FREM2: variants seen among roughly 807,000 people sequenced by gnomAD.
FREM2 encodes the protein FRAS1-related extracellular matrix protein 2.
A neutral mutation model predicts 219.9 loss-of-function variants in FREM2; 119 were observed. The observed-to-expected ratio is 0.54, with a 90% CI of 0.47 to 0.63. The LOEUF is 0.63. Among genes scored for constraint, FREM2 ranks in the 30% least tolerant of loss-of-function variants. FREM2 has a pLI of 0.00. For missense variants in FREM2, 4,030 were observed against 3,993.6 expected (o/e 1.01, Z -0.25); for synonymous variants, 1,562 against 1,522.8 (o/e 1.03, Z -0.60).
intron 6 of FREM2, among the ~76,000 whole-genome samples, chr13:38,794,690 A>G (rs1213925398): frequency 6.6e-6 from 1 of 151,842 alleles, no homozygotes; most frequent in African/African-American, 2.4e-5. Context: ...TTGATGTTTT[A>G]TCTGTCATGC....
chr13:38,870,889 G>A lies in FREM2; in HGVS notation c.7984-1853G>A, dbSNP rs186731567. Among the ~76,000 whole-genome samples the A allele has an allele frequency of 5.6e-4, 85 of 152,240 alleles. 1 individual carries two copies. Among genetic ancestry groups the A allele is most frequent in the Non-Finnish European group, 1.1e-3 (78 of 68,014 alleles). On this transcript the variant is annotated intron_variant, in intron 16 of 23. Coordinates refer to ENST00000280481, the MANE Select transcript of FREM2 (RefSeq NM_207361.6). ...ATAACATTGGAAAAAATTATTCTTA[G>A]CACCTATAAAGCTTAATTGGAAATC...
intron 6 of FREM2, among the ~76,000 whole-genome samples, chr13:38,806,198 G>A (rs1031673828): frequency 4.0e-5 from 6 of 151,804 alleles, no homozygotes; most frequent in African/African-American, 1.2e-4. Context: ...AGGACTTGTG[G>A]CCCCATGAAT....
chr13:38,687,876 C>A lies in FREM2; in HGVS notation c.532C>A (p.Gln178Lys), dbSNP rs148774506. ...LVLEVEVVFT[Q>K]LEVVTRNLPL... is the part of the protein sequence containing the mutation. ...ACTGGAGGTGGAGGTGGTCTTCACCCAGCTGGAGGTTGTGACTCGGAACTT... is the reference window on the plus strand; with the variant it reads ...ACTGGAGGTGGAGGTGGTCTTCACCAAGCTGGAGGTTGTGACTCGGAACTT... Residue 178 changes from glutamine (Q) to lysine (K), a missense_variant, in exon 1 of 24, where the codon CAG (glutamine) becomes AAG (lysine). This residue lies in a region of FREM2 where 3,102 missense variants were observed against 2,950.7 expected (regional missense o/e 1.05). Coordinates refer to ENST00000280481, the MANE Select transcript of FREM2 (RefSeq NM_207361.6). The A allele has an allele frequency of 1.6e-4, 250 of 1,575,136 alleles. No individual in the cohort carries two copies. Among genetic ancestry groups the A allele is most frequent in the South Asian group, 1.2e-3 (103 of 86,600 alleles).
At chr13:38,806,811 A>G (rs1173757172) in intron 6 of FREM2, among the ~76,000 whole-genome samples, 1 of 151,886 alleles carries the variant, frequency 6.6e-6, no homozygotes, top group Non-Finnish European at 1.5e-5. Context: ...AACTTCATTC[A>G]AAATTGGAGT....
At chr13:38,851,234 T>C in intron 10 of FREM2, 126 bp downstream of exon 10, 1 of 853,546 alleles carries the variant, frequency 1.2e-6, no homozygotes, top group Non-Finnish European at 1.9e-6. Context: ...TTTTAAGCAA[T>C]TGAGAAACAG....
intron 2 of FREM2, among the ~76,000 whole-genome samples, chr13:38,729,055 G>T (rs1328275137): frequency 1.3e-5 from 2 of 152,130 alleles, no homozygotes; most frequent in Non-Finnish European, 2.9e-5. Context: ...GGCTGGTCTT[G>T]AACTCCCGAC....
chr13:38,759,433 G>C lies in FREM2; in HGVS notation c.5264-4871G>C, dbSNP rs557056581. Reference sequence around the variant, plus strand: ...TTTTAGGGAGGGCTAATTGGAGTTTGGTATTCTTTGTTATTCTAAAAAAAA... The same window carrying C: ...TTTTAGGGAGGGCTAATTGGAGTTTCGTATTCTTTGTTATTCTAAAAAAAA... On this transcript the variant is annotated intron_variant, in intron 2 of 23. Transcript: ENST00000280481. Among the ~76,000 whole-genome samples, 266 of 146,472 alleles carry C rather than the reference G, an allele frequency of 1.8e-3. 2 individuals carry two copies. The highest frequency in any genetic ancestry group is 6.1e-3 in the African/African-American group (244 of 40,220).
rs116599611 is a variant in FREM2 at position 38,764,394 on chromosome 13, A to C, written c.5354A>C (p.Lys1785Thr). ...TATTACCTGGTCAATGAGGACTCCA[A>C]ATTTCTAGATGTTGTTCTTAAACGT... ...KEYYLVNEDS[K>T]FLDVVLKRRG... The change falls in exon 3 of 24, where the codon AAA (lysine) becomes ACA (threonine). Residue 1785 changes from lysine to threonine, a missense_variant. By Grantham distance (78) the Lys-to-Thr change is moderately conservative. Coordinates refer to ENST00000280481, the MANE Select transcript of FREM2 (RefSeq NM_207361.6). 607 of 1,602,372 alleles carry C rather than the reference A, an allele frequency of 3.8e-4. 2 individuals carry two copies. In the African/African-American group the frequency reaches 7.2e-3, roughly 19 times the overall value.
At chr13:38,825,786 C>T (rs1876258341) in intron 6 of FREM2, among the ~76,000 whole-genome samples, 1 of 152,130 alleles carries the variant, frequency 6.6e-6, no homozygotes, top group Non-Finnish European at 1.5e-5. Flanking sequence ...CTCACAGGCT[C>T]TGCCATGAGC....
rs750545395 is a variant in FREM2, at chr13:38,687,826, G to A, written c.482G>A (p.Gly161Glu). 3.2e-6 allele frequency: 5 copies of A among 1,545,654 alleles called. No homozygotes were observed. The highest frequency in any genetic ancestry group is 4.4e-6 in the Non-Finnish European group (5 of 1,141,224). ...VRLQLRYDAP[G>E]GAVVLPLVLE... ...CTGCAGCTGCGCTATGACGCGCCCG[G>A]AGGGGCAGTAGTGCTACCACTGGTA... The change falls in exon 1 of 24, where the codon GGA (glycine) becomes GAA (glutamate). Residue 161 changes from glycine (G) to glutamate (E), a missense_variant. Coordinates refer to ENST00000280481, the MANE Select transcript of FREM2 (RefSeq NM_207361.6).
chr13:38,841,783 A>C (rs1429097288), intron 6 of FREM2, among the ~76,000 whole-genome samples: 1 of 152,162 alleles, frequency 6.6e-6, no homozygotes, highest in Non-Finnish European at 1.5e-5. Context: ...CATTTGCTGC[A>C]GCAAATAAAT....
intron 6 of FREM2, among the ~76,000 whole-genome samples, chr13:38,830,771 C>T (rs192856184): frequency 6.6e-6 from 1 of 152,286 alleles, no homozygotes; most frequent in East Asian, 1.9e-4. Flanking sequence ...GTCCAGCTCA[C>T]ATTTTTTCTT....
rs191798500 is a variant in FREM2 at position 38,809,641 on chromosome 13, C to T, written c.6019+24833C>T. ...AGAAAATGAGTTTACTGTAGGTGTA[C>T]GGATTGGTTTTTTGGGTTATCTTTT... On this transcript the variant is annotated intron_variant, in intron 6 of 23. Coordinates refer to ENST00000280481, the MANE Select transcript of FREM2 (RefSeq NM_207361.6). 3.4e-3 allele frequency among the ~76,000 whole-genome samples: 520 copies of T among 151,960 alleles called. 1 individual carries two copies. Among genetic ancestry groups the T allele is most frequent in the African/African-American group, 0.012 (477 of 41,464 alleles).
rs1365677581 is a variant in FREM2, at chr13:38,883,446, T to C, written c.*2659T>C. The C allele has an allele frequency of 6.6e-6, 1 of 152,182 alleles. No homozygotes were observed. The highest frequency in any genetic ancestry group is 1.5e-5 in the Non-Finnish European group (1 of 68,022). 9.4% of individuals were successfully genotyped at this position (152,182 alleles called of 1,614,324 possible). On this transcript the variant is annotated 3_prime_UTR_variant, in exon 24 of 24. Coordinates refer to ENST00000280481, the MANE Select transcript of FREM2 (RefSeq NM_207361.6). The stretch of plus-strand genomic sequence containing the variant: ...CAATAATAGCTCCTTAGATACTCAG[T>C]GGCTTCTGACTCCAATCAAGGTCTT...
intron 6 of FREM2, among the ~76,000 whole-genome samples, chr13:38,841,203 G>A (rs975414481): frequency 6.6e-6 from 1 of 152,156 alleles, no homozygotes; most frequent in Non-Finnish European, 1.5e-5. Context: ...CAACTACTAT[G>A]GTATCTAGCA....
At chr13:38,842,056 A>T (rs970104519) in intron 6 of FREM2, among the ~76,000 whole-genome samples, 2 of 152,164 alleles carry the variant, frequency 1.3e-5, no homozygotes, top group African/African-American at 4.8e-5. Context: ...AGGTATCCGG[A>T]CGAGGAAGGA....
intron 6 of FREM2, 143 bp downstream of exon 6, chr13:38,784,951 CA>C (rs1333218706): frequency 1.1e-6 from 1 of 930,314 alleles, no homozygotes; most frequent in Non-Finnish European, 1.6e-6. Context: ...GATTAGGTTT[CA>C]AAGTTGGCTG....
chr13:38,880,752 C>T lies in FREM2; in HGVS notation c.9475C>T (p.Pro3159Ser). Residue 3159 changes from proline to serine, a missense_variant, in exon 24 of 24, where the codon CCA (proline) becomes TCA (serine). Physicochemically the swap from Pro to Ser is moderately conservative, Grantham distance 74. Coordinates refer to ENST00000280481, the MANE Select transcript of FREM2 (RefSeq NM_207361.6). ...CAGCAGCAGTGAGCCCATGGTGCCC[C>T]CACAGAGCCATCACAATGACAGCTC... ...GSSSSEPMVP[P>S]QSHHNDSSEV is the part of the protein sequence containing the mutation. The T allele has an allele frequency of 6.2e-7, 1 of 1,614,150 alleles. No individual in the cohort carries two copies. Among genetic ancestry groups the T allele is most frequent in the Non-Finnish European group, 8.5e-7 (1 of 1,180,030 alleles).
At chr13:38,783,284 A>G in intron 5 of FREM2, 89 bp downstream of exon 5, 1 of 1,327,714 alleles carries the variant, frequency 7.5e-7, no homozygotes, top group Non-Finnish European at 1.1e-6. Flanking sequence ...TTTTACCATG[A>G]GGGGTATACT....
Sources: gnomAD v4.1 joint callset for allele counts (sites outside exome capture counted in the v4.1 genomes callset) on GRCh38, gnomAD v4.1.1 for gene constraint, gnomAD v4.1.1 regional missense constraint, MANE v1.5 for transcripts, NCBI Gene and HGNC (gene_info 2026-07-23, HGNC 2026-07-21) for gene names.